TRPM8: variants seen among roughly 807,000 people sequenced by gnomAD.
TRPM8 encodes the protein TRPM8 cationic channel.
In TRPM8, 110 loss-of-function variants were observed where a neutral mutation model predicts 133.7. That is an observed-to-expected ratio of 0.82 (90% CI 0.70 to 0.96). The LOEUF is 0.96. TRPM8 is among the 40% of genes least tolerant of loss of function. TRPM8 has a pLI of 0.00. For synonymous variants in TRPM8, 535 were observed against 532.3 expected (o/e 1.01, Z -0.07); for missense variants, 1,291 against 1,379.5 (o/e 0.94, Z 1.02).
intron 5 of TRPM8, among the ~76,000 whole-genome samples, chr2:233,939,427 T>G (rs1389896060): frequency 6.6e-6 from 1 of 152,254 alleles, no homozygotes; most frequent in African/African-American, 2.4e-5. Flanking sequence ...TTTTTAATCT[T>G]GTAAGATTTT....
chr2:233,960,823 A>T lies in TRPM8; in HGVS notation c.1410A>T (p.Arg470Ser). The T allele has an allele frequency of 6.2e-7, 1 of 1,614,158 alleles. No individual in the cohort carries two copies. Among genetic ancestry groups the T allele is most frequent in the Non-Finnish European group, 8.5e-7 (1 of 1,180,020 alleles). ...EVMFTALIKD[R>S]PKFVRLFLEN... is the part of the protein sequence containing the mutation. Reference sequence around the variant, plus strand: ...TGTTTACGGCTCTCATAAAGGACAGACCCAAGTTTGTCCGCCTCTTTCTGG... The same window carrying T: ...TGTTTACGGCTCTCATAAAGGACAGTCCCAAGTTTGTCCGCCTCTTTCTGG... Residue 470 changes from arginine to serine, a missense_variant, in exon 12 of 26, where the codon AGA (arginine) becomes AGT (serine). By Grantham distance (110) the Arg-to-Ser change is moderately radical. Coordinates refer to ENST00000324695, the MANE Select transcript of TRPM8 (RefSeq NM_024080.5).
In TRPM8 at chr2:233,996,431, C is replaced by A; in HGVS notation, c.3045C>A (p.Phe1015Leu). Residue 1015 changes from phenylalanine to leucine, a missense_variant, in exon 22 of 26, where the codon TTC becomes TTA. This residue lies in a region of TRPM8 where 328 missense variants were observed against 410.6 expected (regional missense o/e 0.80). Coordinates refer to ENST00000324695, the MANE Select transcript of TRPM8 (RefSeq NM_024080.5). Reference sequence around the variant, plus strand: ...GCCGCCTCAATATCCCCTTCCCCTTCATCGTCTTCGCTTACTTCTACATGG... The same window carrying A: ...GCCGCCTCAATATCCCCTTCCCCTTAATCGTCTTCGCTTACTTCTACATGG... ...YCSRLNIPFP[F>L]IVFAYFYMVV... 1 of 1,614,188 alleles carries A rather than the reference C, an allele frequency of 6.2e-7. No homozygotes were observed.
chr2:233,996,586 G>A (rs1692409396), intron 22 of TRPM8, 70 bp downstream of exon 22: 1 of 1,367,428 alleles, frequency 7.3e-7, no homozygotes, highest in Non-Finnish European at 1.0e-6. Flanking sequence ...TGCCTGGTGT[G>A]TATCTCAACA....
In TRPM8 at chr2:233,936,891, CTTTT is replaced by C. The variant is rs5839499; in HGVS notation, c.192-442_192-439del. On this transcript the variant is annotated intron_variant, in intron 3 of 25. Transcript: ENST00000324695. ...TCAAACTAGTTTCTTTCTTTCTTTC[CTTTT>C]TTTTTTTTTTTTTTTTTTTGAGAGG... Among the ~76,000 whole-genome samples, 975 of 101,304 alleles carry C rather than the reference CTTTT, an allele frequency of 9.6e-3. 16 individuals carry two copies. The highest frequency in any genetic ancestry group is 0.037 in the African/African-American group (931 of 25,418). 66.5% of individuals were successfully genotyped at this position (101,304 alleles called of 152,430 possible).
intron 17 of TRPM8, among the ~76,000 whole-genome samples, chr2:233,972,698 A>G (rs1574744988): frequency 2.0e-5 from 3 of 152,174 alleles, no homozygotes; most frequent in Non-Finnish European, 4.4e-5. Context: ...CACTCTCCGC[A>G]GCCACTGGCC....
At position 234,014,543 on chromosome 2, in the gene TRPM8, AT is replaced by A. The variant is rs760078387; in HGVS notation, c.3265-12del. 12 of 1,504,196 alleles carry A rather than the reference AT, an allele frequency of 8.0e-6. No individual in the cohort carries two copies. The East Asian group carries it at 2.0e-4, about 25-fold the overall frequency. 93.2% of individuals were successfully genotyped at this position (1,504,196 alleles called of 1,614,324 possible). On this transcript the variant is annotated intron_variant, in intron 24 of 25. Coordinates refer to ENST00000324695, the MANE Select transcript of TRPM8 (RefSeq NM_024080.5). ...GAAAATTTATCTTAAGATGAGTTCT[AT>A]TTTTTTCTCTTTCCAAGCTTAATGA...
At chr2:233,933,730 G>A (rs1303316046) in intron 3 of TRPM8, 1 of 159,210 alleles carries the variant, frequency 6.3e-6, no homozygotes, top group Non-Finnish European at 1.5e-5. Context: ...GATGGGGCGG[G>A]GAATTCTCTC....
At chr2:233,925,039 G>T (rs1691486831) in intron 1 of TRPM8, among the ~76,000 whole-genome samples, 1 of 152,210 alleles carries the variant, frequency 6.6e-6, no homozygotes, top group African/African-American at 2.4e-5. Context: ...CCTGGGAGGG[G>T]CGATCTGGAT....
At chr2:233,963,552 G>A (rs545021346) in intron 13 of TRPM8, among the ~76,000 whole-genome samples, 175 bp downstream of exon 13, 16 of 152,298 alleles carry the variant, frequency 1.1e-4, no homozygotes, top group African/African-American at 2.6e-4. Context: ...GGGAGGGACC[G>A]TCCCCGGAAA....
chr2:233,964,551 CAAAAAAAAAAAAAAA>C lies in TRPM8; in HGVS notation c.1750-65_1750-51del, dbSNP rs34817253. On this transcript the variant is annotated intron_variant, in intron 13 of 25. Transcript: ENST00000324695. The stretch of plus-strand genomic sequence containing the variant: ...TGGGTCACAGAGTGAGACTCCGTCT[CAAAAAAAAAAAAAAA>C]AAAAAAAAAAAGAAAAGGAAAAAAA... 5.8e-5 allele frequency: 33 copies of C among 571,670 alleles called. 1 individual carries two copies. Among genetic ancestry groups the C allele is most frequent in the South Asian group, 4.2e-4 (8 of 18,932 alleles). The allele number at this position is 571,670 out of a possible 1,614,324, so 35.4% of individuals were successfully genotyped here. A position where few individuals can be genotyped will look rare whatever the true frequency, so the allele number is the denominator to read the frequency against.
chr2:233,991,304 A>G (rs1235461214), intron 21 of TRPM8, among the ~76,000 whole-genome samples: 1 of 152,236 alleles, frequency 6.6e-6, no homozygotes, highest in Non-Finnish European at 1.5e-5. Context: ...AACCTGAATT[A>G]TCAATTCCAA....
chr2:233,986,475 T>C (rs1010574007), intron 21 of TRPM8, among the ~76,000 whole-genome samples: 1 of 152,214 alleles, frequency 6.6e-6, no homozygotes, highest in South Asian at 2.1e-4. Flanking sequence ...GTAGTTTCAG[T>C]GGGAGAGCCT....
intron 2 of TRPM8, among the ~76,000 whole-genome samples, chr2:233,927,918 C>CTCTT (rs1691592767): frequency 2.5e-5 from 1 of 39,354 alleles, no homozygotes; most frequent in Non-Finnish European, 3.8e-5. Context: ...TTCTCTCTCT[C>CTCTT]TCTCTTTCTC....
chr2:233,988,049 CAT>C (rs1355358181), intron 21 of TRPM8, among the ~76,000 whole-genome samples: 1 of 151,418 alleles, frequency 6.6e-6, no homozygotes, highest in Non-Finnish European at 1.5e-5. Flanking sequence ...CTAACACAGT[CAT>C]TGTTCTGCTT....
In TRPM8 at chr2:234,009,816, G is replaced by GC. The variant is rs1427290660; in HGVS notation, c.3264+1714dup. Among the ~76,000 whole-genome samples, 5 of 152,180 alleles carry GC rather than the reference G, an allele frequency of 3.3e-5. No homozygotes were observed. In the East Asian group the frequency reaches 9.6e-4, roughly 29 times the overall value. On this transcript the variant is annotated intron_variant, in intron 24 of 25. Coordinates refer to ENST00000324695, the MANE Select transcript of TRPM8 (RefSeq NM_024080.5). Reference sequence around the variant, plus strand: ...AGTCTTTTAAATTTATTTTTAAACAGCTTTATTGAGATATCATTGACATAT... The same window carrying GC: ...AGTCTTTTAAATTTATTTTTAAACAGCCTTTATTGAGATATCATTGACATAT...
At chr2:233,942,426 TC>T (rs1432129011) in intron 5 of TRPM8, 149 bp from the exon 6 acceptor site, 11 of 736,176 alleles carry the variant, frequency 1.5e-5, no homozygotes, top group Non-Finnish European at 2.3e-5. Context: ...CTGTCTGAGG[TC>T]CCCTCTCCTT....
At chr2:233,971,417 C>T (rs1056507246) in intron 17 of TRPM8, among the ~76,000 whole-genome samples, 8 of 152,108 alleles carry the variant, frequency 5.3e-5, no homozygotes, top group East Asian at 1.9e-4. Flanking sequence ...GCATTTTGAT[C>T]GATTAGTGAT....
Position 233,926,625 on chromosome 2 carries a change from C to G in TRPM8, c.88C>G (p.Arg30Gly). The change falls in exon 2 of 26, where the codon CGG becomes GGG. Residue 30 changes from arginine to glycine, a missense_variant. Coordinates refer to ENST00000324695, the MANE Select transcript of TRPM8 (RefSeq NM_024080.5). ...CCGGACCCTGTACTCCAGCGCGTCT[C>G]GGAGCACAGACTTGTCTTACAGTGA... Reference protein sequence around the residue: ...STRTLYSSASRSTDLSYSESD... With the variant: ...STRTLYSSASGSTDLSYSESD... 1 of 1,614,014 alleles carries G rather than the reference C, an allele frequency of 6.2e-7. No individual in the cohort carries two copies. Among genetic ancestry groups the G allele is most frequent in the South Asian group, 1.1e-5 (1 of 91,064 alleles).
At position 234,017,602 on chromosome 2, in the gene TRPM8, T is replaced by C; in HGVS notation, c.*346T>C. ...ATCTTATTTTTGATGAACACATATA[T>C]AGGAGAACATCTATCCTATGAATAA... On this transcript the variant is annotated 3_prime_UTR_variant, in exon 26 of 26. Transcript: ENST00000324695. 1 of 261,492 alleles carries C rather than the reference T, an allele frequency of 3.8e-6. No homozygotes were observed. Among genetic ancestry groups the C allele is most frequent in the Non-Finnish European group, 7.6e-6 (1 of 131,570 alleles). The allele number at this position is 261,492 out of a possible 1,614,324, so 16.2% of individuals were successfully genotyped here.
Sources: allele counts gnomAD v4.1 joint callset (sites outside exome capture counted in the v4.1 genomes callset), GRCh38; gene constraint gnomAD v4.1.1; regional missense constraint gnomAD v4.1.1; transcripts MANE v1.5; gene names NCBI Gene and HGNC (gene_info 2026-07-23, HGNC 2026-07-21).